DHRSX: variants seen among roughly 807,000 people sequenced by gnomAD.
DHRSX encodes dehydrogenase/reductase X-linked, also known as polyprenol dehydrogenase.
In DHRSX, 31 loss-of-function variants were observed where a neutral mutation model predicts 34.0. The observed-to-expected ratio is 0.91, with a 90% CI of 0.69 to 1.23. DHRSX has a LOEUF of 1.23. Among genes scored for constraint, DHRSX ranks in the 50% most tolerant of loss-of-function variants. The pLI, the probability that DHRSX is intolerant of heterozygous loss-of-function variation, is 0.00. For missense variants in DHRSX, 414 were observed against 428.1 expected (o/e 0.97, Z 0.29); for synonymous variants, 201 against 183.8 (o/e 1.09, Z -0.76).
chrX:2,464,566 C>G (rs1405953998), intron 1 of DHRSX, among the ~76,000 whole-genome samples: 1 of 150,140 alleles, frequency 6.7e-6, no homozygotes, highest in Non-Finnish European at 1.5e-5. Flanking sequence ...CATGTTCGCA[C>G]TGAAGACGCT....
intron 3 of DHRSX, among the ~76,000 whole-genome samples, chrX:2,310,584 G>T (rs1162373452): frequency 6.6e-6 from 1 of 151,476 alleles, no homozygotes; most frequent in Non-Finnish European, 1.5e-5. Flanking sequence ...GAGAGGGAGA[G>T]AGAGAGAAAA....
At chrX:2,435,803 T>C (rs189240854) in intron 1 of DHRSX, among the ~76,000 whole-genome samples, 1 of 151,930 alleles carries the variant, frequency 6.6e-6, no homozygotes, top group East Asian at 1.9e-4. Flanking sequence ...AATAAATAAA[T>C]CTATGCTTAC....
At chrX:2,454,715 G>A (rs1304932724) in intron 1 of DHRSX, among the ~76,000 whole-genome samples, 2 of 152,080 alleles carry the variant, frequency 1.3e-5, no homozygotes, top group African/African-American at 2.4e-5. Flanking sequence ...AGCATTCACT[G>A]TTTTTATGCA....
At chrX:2,452,258 T>C (rs1419504808) in intron 1 of DHRSX, among the ~76,000 whole-genome samples, 1 of 151,496 alleles carries the variant, frequency 6.6e-6, no homozygotes, top group African/African-American at 2.4e-5. Flanking sequence ...TTGAAGACGT[T>C]CCCTAAGCAG....
chrX:2,340,959 C>T (rs1276779517), intron 3 of DHRSX, among the ~76,000 whole-genome samples: 1 of 152,024 alleles, frequency 6.6e-6, no homozygotes, highest in Non-Finnish European at 1.5e-5. Context: ...GCCTGCATTG[C>T]GGAGGACCAA....
intron 3 of DHRSX, among the ~76,000 whole-genome samples, chrX:2,304,215 G>A (rs1437713152): frequency 1.5e-5 from 2 of 136,856 alleles, no homozygotes; most frequent in African/African-American, 5.7e-5. Context: ...ATGGATGGAT[G>A]GATGGATGGA....
chrX:2,477,292 A>G (rs1253937665), intron 1 of DHRSX, among the ~76,000 whole-genome samples: 2 of 152,158 alleles, frequency 1.3e-5, no homozygotes, highest in East Asian at 3.9e-4. Context: ...AGCTCTAGCC[A>G]GTTTGTTCAC....
At position 2,243,105 on chromosome X, in the gene DHRSX, C is replaced by G. The variant is rs760589196; in HGVS notation, c.722G>C (p.Gly241Ala). 67 of 1,613,764 alleles carry G rather than the reference C, an allele frequency of 4.2e-5. 1 individual carries two copies. The highest frequency in any genetic ancestry group is 5.4e-5 in the Non-Finnish European group (64 of 1,179,850). Residue 241 changes from glycine (G) to alanine (A), a missense_variant, in exon 6 of 7, where the codon GGG becomes GCG. Gly to Ala is a moderately conservative substitution (Grantham distance 60). Coordinates refer to ENST00000334651, the MANE Select transcript of DHRSX (RefSeq NM_145177.3). ...CTTGTAGACGTCCGTGTTGACCACCCCGGGGTCCACCACGTTGGCGGTCAC... is the reference window on the plus strand; with the variant it reads ...CTTGTAGACGTCCGTGTTGACCACCGCGGGGTCCACCACGTTGGCGGTCAC... ...SHVTANVVDP[G>A]VVNTDVYKHV...
chrX:2,276,901 A>G (rs868418055), intron 4 of DHRSX, among the ~76,000 whole-genome samples: 54 of 18,018 alleles, frequency 3.0e-3, no homozygotes, highest in African/African-American at 7.7e-3. Flanking sequence ...GAAAGAGAGA[A>G]AGAGAGATGG....
chrX:2,475,160 T>A (rs1370312904), intron 1 of DHRSX, among the ~76,000 whole-genome samples: 1 of 150,968 alleles, frequency 6.6e-6, no homozygotes, highest in African/African-American at 2.4e-5. Context: ...TCCCTAAGTA[T>A]GTGGCTAAGG....
chrX:2,266,683 T>C (rs1394263915), intron 5 of DHRSX, 57 bp downstream of exon 5: 6 of 1,538,012 alleles, frequency 3.9e-6, no homozygotes, highest in Non-Finnish European at 5.4e-6. Flanking sequence ...CAGAGGGAGA[T>C]GAATAACCTT....
At chrX:2,245,917 G>A (rs1405711464) in intron 5 of DHRSX, among the ~76,000 whole-genome samples, 2 of 143,010 alleles carry the variant, frequency 1.4e-5, no homozygotes, top group Non-Finnish European at 3.0e-5. Context: ...AGCTGAGATT[G>A]TACCACTGCA....
intron 3 of DHRSX, among the ~76,000 whole-genome samples, chrX:2,293,219 C>T (rs1192019411): frequency 6.6e-6 from 1 of 150,378 alleles, no homozygotes; most frequent in African/African-American, 2.5e-5. Context: ...GGGTCTCCAT[C>T]GCTAAAAGTG....
intron 2 of DHRSX, among the ~76,000 whole-genome samples, chrX:2,418,049 A>C (rs983364897): frequency 1.3e-5 from 2 of 151,990 alleles, no homozygotes; most frequent in Admixed American, 6.6e-5. Context: ...TAACTCAACA[A>C]GACCTCATCA....
At chrX:2,221,278 G>T in intron 6 of DHRSX, 49 bp from the exon 7 acceptor site, 1 of 1,578,456 alleles carries the variant, frequency 6.3e-7, no homozygotes, top group Non-Finnish European at 8.6e-7. Flanking sequence ...TTCTGAGCAG[G>T]AAACAGGAGT....
At chrX:2,386,487 G>C (rs974247197) in intron 3 of DHRSX, among the ~76,000 whole-genome samples, 3 of 152,152 alleles carry the variant, frequency 2.0e-5, no homozygotes, top group Admixed American at 2.0e-4. Context: ...CCAAAGTGCT[G>C]GGATTACAGG....
At chrX:2,361,373 A>G (rs7471313) in intron 3 of DHRSX, among the ~76,000 whole-genome samples, 95,088 of 151,886 alleles carry the variant, frequency 0.63, 30,108 homozygotes, top group African/African-American at 0.66. Context: ...CCAAAGTGCC[A>G]GGATTACAGG....
chrX:2,448,485 A>G (rs1035481738), intron 1 of DHRSX, among the ~76,000 whole-genome samples: 2 of 150,730 alleles, frequency 1.3e-5, no homozygotes, highest in Non-Finnish European at 2.9e-5. Context: ...CACAAAAAAA[A>G]GTAGGTGAGG....
At chrX:2,469,910 C>A (rs1163407193) in intron 1 of DHRSX, among the ~76,000 whole-genome samples, 1 of 152,060 alleles carries the variant, frequency 6.6e-6, no homozygotes, top group African/African-American at 2.4e-5. Flanking sequence ...GGTGTGTACC[C>A]AAAGGAAAGG....
Sources: allele counts gnomAD v4.1 joint callset (sites outside exome capture counted in the v4.1 genomes callset), GRCh38; gene constraint gnomAD v4.1.1; transcripts MANE v1.5; gene names NCBI Gene and HGNC (gene_info 2026-07-23, HGNC 2026-07-21).